KRTAP4-9: variants seen among roughly 807,000 people sequenced by gnomAD.
KRTAP4-9 encodes keratin-associated protein 4-9.
Under a neutral mutation model 4.3 loss-of-function variants are expected in KRTAP4-9, and 4 were observed. The observed-to-expected ratio is 0.94, with a 90% CI of 0.46 to 2.15. The LOEUF (loss-of-function observed/expected upper bound fraction) is 2.15, where lower values mean the gene tolerates loss of function less well. KRTAP4-9 is among the 30% of genes most tolerant of loss of function. KRTAP4-9 has a pLI of 0.02. For missense variants in KRTAP4-9, 297 were observed against 278.5 expected, an observed-to-expected ratio of 1.07 and a Z score of -0.47; for synonymous variants, 111 against 99.2, an observed-to-expected ratio of 1.12 and a Z score of -0.70.
In KRTAP4-9 at chr17:41,106,082, T is replaced by A. The variant is rs1307790842; in HGVS notation, c.*61T>A. 37 of 1,506,964 alleles carry A rather than the reference T, an allele frequency of 2.5e-5. No homozygotes were observed. The East Asian group carries it at 8.8e-4, about 36-fold the overall frequency. 93.3% of individuals were successfully genotyped at this position (1,506,964 alleles called of 1,614,324 possible). A position where few individuals can be genotyped will look rare whatever the true frequency, so the allele number is the denominator to read the frequency against. Reference sequence around the variant, plus strand: ...GGCCCACAGATGTAGACCCTTCTACTGTGCTGACCATTAGGATACAGGAAG... The same window carrying A: ...GGCCCACAGATGTAGACCCTTCTACAGTGCTGACCATTAGGATACAGGAAG... On this transcript the variant is annotated 3_prime_UTR_variant, in exon 1 of 1. Transcript: ENST00000391415.
chr17:41,105,723 C>T (rs550606846), exon 1 of KRTAP4-9: 57 of 1,572,814 alleles, frequency 3.6e-5, no homozygotes, highest in South Asian at 1.3e-4. Flanking sequence ...TGCTGTGAGA[C>T]GACCTGCTGC....
At chr17:41,105,530 A>G in exon 1 of KRTAP4-9, 1 of 1,563,248 alleles carries the variant, frequency 6.4e-7, no homozygotes, top group Non-Finnish European at 8.6e-7. Flanking sequence ...TTGTGTATCC[A>G]GCTGCTGCAG....
chr17:41,105,721 G>C (rs1322445433), exon 1 of KRTAP4-9: 1 of 1,569,274 alleles, frequency 6.4e-7, no homozygotes, highest in African/African-American at 1.4e-5. Context: ...GCTGCTGTGA[G>C]ACGACCTGCT....
exon 1 of KRTAP4-9, chr17:41,106,350 A>T: frequency 2.3e-6 from 1 of 440,264 alleles, no homozygotes. Flanking sequence ...TGAGGCAGAC[A>T]TTATCTGCAG....
rs377272095 is a variant in KRTAP4-9 at position 41,106,033 on chromosome 17, T to C, written c.*12T>C. 7.8e-5 allele frequency: 123 copies of C among 1,567,488 alleles called. 1 individual carries two copies. In the South Asian group the frequency reaches 1.3e-3, roughly 16 times the overall value. On this transcript the variant is annotated 3_prime_UTR_variant, in exon 1 of 1. Transcript: ENST00000391415. ...CCTCTTGCTGCTGAGCCCACTGCCCTGGCTTATCTCCCCCTTCACCACTGG... is the reference window on the plus strand; with the variant it reads ...CCTCTTGCTGCTGAGCCCACTGCCCCGGCTTATCTCCCCCTTCACCACTGG...
In KRTAP4-9 at chr17:41,105,875, TCTTGCTGTGAATCCAGCTGCTGCCGCCC is replaced by T. The variant is rs2014080646; in HGVS notation, c.490_517del (p.Cys164AlafsTer89). 2 of 1,532,552 alleles carry T rather than the reference TCTTGCTGTGAATCCAGCTGCTGCCGCCC, an allele frequency of 1.3e-6. No homozygotes were observed. The highest frequency in any genetic ancestry group is 3.7e-5 in the African/African-American group (2 of 54,732). The allele number at this position is 1,532,552 out of a possible 1,614,324, so 94.9% of individuals were successfully genotyped here. A position where few individuals can be genotyped will look rare whatever the true frequency, so the allele number is the denominator to read the frequency against. On this transcript the variant is annotated frameshift_variant, in exon 1 of 1. Coordinates refer to ENST00000391415, the Ensembl canonical transcript of KRTAP4-9. LOFTEE classifies it high-confidence loss of function. The stretch of plus-strand genomic sequence containing the variant: ...CAGCATCTCCAGCTGCTGCCGCCCC[TCTTGCTGTGAATCCAGCTGCTGCCGCCC>T]CTGCTGCTGCGTGCGTCCAGTCTGT...
chr17:41,105,590 A>T lies in KRTAP4-9; in HGVS notation c.202A>T (p.Ser68Cys). The T allele has an allele frequency of 1.1e-5, 17 of 1,567,968 alleles. 2 individuals are homozygous for T. The highest frequency in any genetic ancestry group is 1.5e-5 in the Non-Finnish European group (17 of 1,169,656). ...CTGCCAACCCACTTGTTCCCGCCCC[A>T]GCTGCTGTCAGACCACCTGTTGCAG... is the stretch of plus-strand genomic sequence containing the variant. The change falls in exon 1 of 1, where the codon AGC (serine) becomes TGC (cysteine). Residue 68 changes from serine to cysteine, a missense_variant. Coordinates refer to ENST00000391415, the Ensembl canonical transcript of KRTAP4-9.
At position 41,105,490 on chromosome 17, in the gene KRTAP4-9, C is replaced by A. The variant is rs549296843; in HGVS notation, c.102C>A (p.Cys34Ter). ...GCCCCAGCTGCTGTGAGACCACCTG[C>A]TGCAGGACCACCTGCTGCCGCCCCA... Residue 34 changes from cysteine to a stop codon, truncating the protein, a stop_gained, in exon 1 of 1, where the codon TGC (cysteine) becomes TGA (stop). Transcript: ENST00000391415. LOFTEE classifies it low-confidence loss of function (END_TRUNC). 2 of 1,604,314 alleles carry A rather than the reference C, an allele frequency of 1.2e-6. No individual in the cohort carries two copies. Among genetic ancestry groups the A allele is most frequent in the East Asian group, 4.5e-5 (2 of 44,454 alleles).
exon 1 of KRTAP4-9, chr17:41,105,760 C>T: frequency 6.2e-7 from 1 of 1,602,006 alleles, no homozygotes; most frequent in Non-Finnish European, 8.5e-7. Context: ...TCTCCAGCTG[C>T]TGTCGCCCCA....
At chr17:41,106,288 C>T (rs755570278) in exon 1 of KRTAP4-9, 2 of 619,588 alleles carry the variant, frequency 3.2e-6, no homozygotes, top group Non-Finnish European at 5.5e-6. Context: ...TATTCCAATC[C>T]TCTAATTTCC....
chr17:41,106,243 A>G (rs764193642), exon 1 of KRTAP4-9: 3 of 783,870 alleles, frequency 3.8e-6, no homozygotes, highest in Non-Finnish European at 5.9e-6. Context: ...GGTGGCACCA[A>G]ATGTGAATTA....
chr17:41,106,214 G>A, exon 1 of KRTAP4-9: 1 of 1,073,668 alleles, frequency 9.3e-7, no homozygotes, highest in South Asian at 2.0e-5. Flanking sequence ...TCCCTCCCTT[G>A]CTTTCTTTTT....
exon 1 of KRTAP4-9, chr17:41,106,374 A>G (rs1342048771): frequency 2.7e-6 from 1 of 373,096 alleles, no homozygotes; most frequent in African/African-American, 2.1e-5. Context: ...CAGTTTTGTC[A>G]CTGAGGTTGC....
In KRTAP4-9 at chr17:41,105,993, C is replaced by T. The variant is rs777053250; in HGVS notation, c.605C>T (p.Pro202Leu). 67 of 1,592,086 alleles carry T rather than the reference C, an allele frequency of 4.2e-5. No individual in the cohort carries two copies. Among genetic ancestry groups the T allele is most frequent in the Non-Finnish European group, 5.5e-5 (64 of 1,168,850 alleles). Reference sequence around the variant, plus strand: ...TGTGTCATCTCCAGCTGCCCCCGCCCCTTGTGCTGTGCCTCCTCTTGCTGC... The same window carrying T: ...TGTGTCATCTCCAGCTGCCCCCGCCTCTTGTGCTGTGCCTCCTCTTGCTGC... The change falls in exon 1 of 1, where the codon CCC (proline) becomes CTC (leucine). Residue 202 changes from proline to leucine, a missense_variant. Pro to Leu is a moderately conservative substitution (Grantham distance 98, BLOSUM62 -3). Transcript: ENST00000391415.
chr17:41,105,667 G>C, exon 1 of KRTAP4-9: 1 of 1,564,198 alleles, frequency 6.4e-7, no homozygotes, highest in Non-Finnish European at 8.7e-7. Flanking sequence ...GCAGGCCCCA[G>C]TGCTGCCAGC....
At position 41,106,137 on chromosome 17, in the gene KRTAP4-9, C is replaced by A. The variant is rs139277631; in HGVS notation, c.*116C>A. On this transcript the variant is annotated 3_prime_UTR_variant, in exon 1 of 1. Coordinates refer to ENST00000391415, the Ensembl canonical transcript of KRTAP4-9. The stretch of plus-strand genomic sequence containing the variant: ...GTTGATGTCATTCAATAGAATGGAA[C>A]TCATGTTTCCAATGAGCCCATCACC... 6.4e-3 allele frequency: 9,159 copies of A among 1,436,336 alleles called. 53 individuals are homozygous for A. Among genetic ancestry groups the A allele is most frequent in the Non-Finnish European group, 7.3e-3 (7,925 of 1,082,742 alleles). The allele number at this position is 1,436,336 out of a possible 1,614,324, so 89.0% of individuals were successfully genotyped here.
chr17:41,106,368 T>C (rs556925391), exon 1 of KRTAP4-9: 68 of 385,784 alleles, frequency 1.8e-4, no homozygotes, highest in Admixed American at 1.3e-4. Flanking sequence ...CAGGACCAGT[T>C]TTGTCACTGA....
rs556157666 is a variant in KRTAP4-9 at position 41,105,526 on chromosome 17, A to G, written c.138A>G (p.Val46=). The G allele has an allele frequency of 4.2e-3, 6,430 of 1,537,660 alleles. 407 individuals carry two copies. In the African/African-American group the frequency reaches 0.09, roughly 22 times the overall value. ...CCTGCTGCCGCCCCAGCTGTTGTGT[A>G]TCCAGCTGCTGCAGGCCCCAGTGCT... Residue 46 remains valine, a synonymous_variant, in exon 1 of 1, where the codon GTA becomes GTG. Coordinates refer to ENST00000391415, the Ensembl canonical transcript of KRTAP4-9.
exon 1 of KRTAP4-9, chr17:41,106,284 A>T (rs2014091105): frequency 1.6e-6 from 1 of 634,052 alleles, no homozygotes. Context: ...AAATTATTCC[A>T]ATCCTCTAAT....
Sources: gnomAD v4.1 joint callset for allele counts on GRCh38, gnomAD v4.1.1 for gene constraint, MANE v1.5 for transcripts, NCBI Gene and HGNC (gene_info 2026-07-23, HGNC 2026-07-21) for gene names.